The following VWA3B variants were observed in gnomAD, a reference collection of about 807,000 sequenced individuals.
The protein encoded by VWA3B is von Willebrand factor A domain containing 3B.
In VWA3B, 138 loss-of-function variants were observed where a neutral mutation model predicts 158.3. The ratio of observed to expected loss-of-function variants is 0.87; its 90% CI spans 0.76 to 1.00. VWA3B has a LOEUF of 1.00. Ranked by LOEUF, VWA3B falls within the 50% of genes least tolerant of loss-of-function variation. The probability of loss-of-function intolerance (pLI) is 0.00; values close to 1 mark genes in which losing one functional copy is unlikely to be tolerated. For synonymous variants in VWA3B, 596 were observed against 587.3 expected (o/e 1.01, Z -0.21); for missense variants, 1,555 against 1,565.1 (o/e 0.99, Z 0.11).
chr2:98,214,153 T>A (rs1683774338), intron 13 of VWA3B, among the ~76,000 whole-genome samples: 1 of 150,972 alleles, frequency 6.6e-6, no homozygotes, highest in Non-Finnish European at 1.5e-5. Flanking sequence ...ATCGTGCTAC[T>A]GCACTCCAGC....
intron 7 of VWA3B, among the ~76,000 whole-genome samples, chr2:98,143,992 A>G (rs1559571275): frequency 2.0e-5 from 3 of 151,826 alleles, no homozygotes; most frequent in Admixed American, 6.6e-5. Flanking sequence ...GCCTCAAGCA[A>G]TCCCCCCACC....
At chr2:98,290,933 G>A in intron 23 of VWA3B, 1 of 237,596 alleles carries the variant, frequency 4.2e-6, no homozygotes, top group Non-Finnish European at 8.0e-6. Context: ...AATGGTATGA[G>A]CAAAAAGGTG....
At chr2:98,244,040 G>T (rs1279400628) in intron 19 of VWA3B, among the ~76,000 whole-genome samples, 1 of 152,180 alleles carries the variant, frequency 6.6e-6, no homozygotes, top group Non-Finnish European at 1.5e-5. Context: ...AATGTTTTGT[G>T]ATTGCTTTTA....
At position 98,148,310 on chromosome 2, in the gene VWA3B, G is replaced by A. The variant is rs74438140; in HGVS notation, c.988+14371G>A. Among the ~76,000 whole-genome samples, 784 of 152,202 alleles carry A rather than the reference G, an allele frequency of 5.2e-3. 18 individuals carry two copies. The East Asian group carries it at 0.089, about 17-fold the overall frequency. Reference sequence around the variant, plus strand: ...CTGAATTTCTTTGATGAAGAAATTCGTGTCAATTAGTATTAAACAGTAGTG... The same window carrying A: ...CTGAATTTCTTTGATGAAGAAATTCATGTCAATTAGTATTAAACAGTAGTG... On this transcript the variant is annotated intron_variant, in intron 7 of 27. Transcript: ENST00000477737.
intron 8 of VWA3B, among the ~76,000 whole-genome samples, chr2:98,177,956 C>G (rs1171475326): frequency 1.3e-5 from 2 of 151,940 alleles, no homozygotes; most frequent in Non-Finnish European, 2.9e-5. Context: ...ATTTAATTTC[C>G]TACTGCACCT....
At chr2:98,185,120 A>G (rs1680908780) in intron 9 of VWA3B, among the ~76,000 whole-genome samples, 1 of 152,192 alleles carries the variant, frequency 6.6e-6, no homozygotes, top group African/African-American at 2.4e-5. Context: ...GTCATTACAA[A>G]TAACTGTGTA....
chr2:98,207,252 C>T (rs1683101800), intron 12 of VWA3B: 2 of 515,076 alleles, frequency 3.9e-6, no homozygotes, highest in Admixed American at 2.1e-5. Context: ...ACTCGACTGC[C>T]TCTGCTACTT....
chr2:98,105,354 T>C (rs985352234), intron 2 of VWA3B, among the ~76,000 whole-genome samples: 1 of 152,216 alleles, frequency 6.6e-6, no homozygotes, highest in Non-Finnish European at 1.5e-5. Flanking sequence ...AATGGTCATA[T>C]CTTGTAAAAT....
At chr2:98,329,590 C>T in the VWA3B span, among the ~76,000 whole-genome samples, 1 of 150,242 alleles carries the variant, frequency 6.7e-6, no homozygotes, top group Admixed American at 6.6e-5. Context: ...CATTAGCCAT[C>T]AGGGAAATTA....
chr2:98,255,244 C>T (rs929571169), intron 20 of VWA3B, among the ~76,000 whole-genome samples: 1 of 122,464 alleles, frequency 8.2e-6, no homozygotes, highest in Non-Finnish European at 1.6e-5. Context: ...GCTGGCCAGG[C>T]TGGTCTCGAA....
chr2:98,279,430 A>G (rs938694822), intron 22 of VWA3B, among the ~76,000 whole-genome samples: 5 of 152,190 alleles, frequency 3.3e-5, no homozygotes, highest in Non-Finnish European at 7.4e-5. Flanking sequence ...GTTCCCAACC[A>G]TGAATTCTAC....
chr2:98,207,403 C>T (rs771011157), intron 12 of VWA3B: 28 of 476,982 alleles, frequency 5.9e-5, no homozygotes, highest in Middle Eastern at 4.6e-4. Flanking sequence ...TGATGTTGCC[C>T]GTGGGGTGCA....
In VWA3B at chr2:98,093,247, T is replaced by C. The variant is rs777111184; in HGVS notation, c.155T>C (p.Leu52Ser). The change falls in exon 2 of 28, where the codon TTG (leucine) becomes TCG (serine). Residue 52 changes from leucine to serine, a missense_variant. Leu to Ser is a moderately radical substitution (Grantham distance 145, BLOSUM62 -2). Transcript: ENST00000477737. ...LHGLKSNKLT[L>S]KQILSQIGFP... ...GGGCTTAAGAGCAACAAATTGACCT[T>C]GAAACAGATTTTGTCACAGATCGGA... The C allele has an allele frequency of 1.2e-6, 2 of 1,614,088 alleles. No individual in the cohort carries two copies. Among genetic ancestry groups the C allele is most frequent in the South Asian group, 1.1e-5 (1 of 91,072 alleles).
intron 19 of VWA3B, chr2:98,245,486 G>A: frequency 2.2e-6 from 1 of 451,342 alleles, no homozygotes; most frequent in Non-Finnish European, 4.4e-6. Flanking sequence ...ATCTTTCCCT[G>A]GATCTGCATG....
intron 23 of VWA3B, among the ~76,000 whole-genome samples, chr2:98,294,203 CAAAAAAAAAA>C (rs751689571): frequency 5.3e-5 from 3 of 56,296 alleles, no homozygotes; most frequent in Non-Finnish European, 8.9e-5. Context: ...CACACACACA[CAAAAAAAAAA>C]AAAAAAAAAA....
At chr2:98,146,001 C>T (rs1677149886) in intron 7 of VWA3B, among the ~76,000 whole-genome samples, 1 of 152,120 alleles carries the variant, frequency 6.6e-6, no homozygotes, top group East Asian at 1.9e-4. Context: ...TCTCAAACTG[C>T]TGGGATTACA....
chr2:98,300,242 G>A, intron 25 of VWA3B, 26 bp downstream of exon 25: 1 of 1,613,540 alleles, frequency 6.2e-7, no homozygotes, highest in South Asian at 1.1e-5. Flanking sequence ...TTTAGAAAAG[G>A]ACTTTCTCCT....
At chr2:98,318,219 C>A (rs975056933), downstream of VWA3B, among the ~76,000 whole-genome samples, 2 of 152,154 alleles carry the variant, frequency 1.3e-5, no homozygotes, top group African/African-American at 4.8e-5. Context: ...TCCCATTACT[C>A]GCTTTATACC....
At chr2:98,304,065 T>C (rs1690363038) in intron 26 of VWA3B, among the ~76,000 whole-genome samples, 2 of 152,212 alleles carry the variant, frequency 1.3e-5, no homozygotes, top group Non-Finnish European at 2.9e-5. Flanking sequence ...GAAGGAATTG[T>C]TCCCCTTTTA....
Sources: allele counts gnomAD v4.1 joint callset (sites outside exome capture counted in the v4.1 genomes callset), GRCh38; gene constraint gnomAD v4.1.1; transcripts MANE v1.5; gene names NCBI Gene and HGNC (gene_info 2026-07-23, HGNC 2026-07-21).